Variants in SHCBP1L observed in about 807,000 individuals in gnomAD.
SHCBP1L encodes the protein SHC binding and spindle associated 1 like.
In SHCBP1L, 67 loss-of-function variants were observed where a neutral mutation model predicts 62.5. The observed-to-expected ratio is 1.07, with a 90% CI of 0.88 to 1.31. The LOEUF is 1.31. Among genes scored for constraint, SHCBP1L ranks in the 40% most tolerant of loss-of-function variants. SHCBP1L has a pLI of 0.00. For missense variants in SHCBP1L, 823 were observed against 809.8 expected (o/e 1.02, Z -0.20); for synonymous variants, 284 against 289.4 (o/e 0.98, Z 0.19).
At chr1:182,921,844 C>T (rs757447597) in intron 6 of SHCBP1L, among the ~76,000 whole-genome samples, 5 of 152,098 alleles carry the variant, frequency 3.3e-5, no homozygotes, top group Admixed American at 6.5e-5. Flanking sequence ...GCTGAGATCA[C>T]ACCACTGCAC....
chr1:182,901,742 C>T (rs1416397724), intron 9 of SHCBP1L, among the ~76,000 whole-genome samples: 2 of 152,130 alleles, frequency 1.3e-5, no homozygotes, highest in African/African-American at 4.8e-5. Context: ...AACAAACTAC[C>T]AGGTGATGCC....
rs1260436929 is a variant in SHCBP1L, at chr1:182,952,945, C to T, written c.189G>A (p.Arg63=). The T allele has an allele frequency of 3.2e-6, 5 of 1,550,564 alleles. No individual in the cohort carries two copies. Among genetic ancestry groups the T allele is most frequent in the African/African-American group, 1.4e-5 (1 of 73,222 alleles). Residue 63 remains arginine, a synonymous_variant, in exon 1 of 10, where the codon CGG becomes CGA. Coordinates refer to ENST00000367547, the MANE Select transcript of SHCBP1L (RefSeq NM_030933.4). ...GCTGGAGCCGCAGCCTGGCCGTCTC[C>T]CGGCCCGCTTTCCCCTTCACCGGGC... ...SPRPVKGKAG[R]ETARLRLQRL...
At chr1:182,905,761 AAAGAC>A (rs1464524781) in intron 6 of SHCBP1L, 112 bp from the exon 7 acceptor site, 3 of 936,124 alleles carry the variant, frequency 3.2e-6, no homozygotes, top group Non-Finnish European at 4.7e-6. Context: ...ATCATTTATT[AAAGAC>A]TAGCATTTAT....
At chr1:182,927,095 TATATATATATATATATATA>T (rs1335460681) in intron 6 of SHCBP1L, among the ~76,000 whole-genome samples, 5 of 30,742 alleles carry the variant, frequency 1.6e-4, no homozygotes, top group African/African-American at 6.8e-4. Flanking sequence ...TATATATATA[TATATATATATATATATATA>T]CTCTCTCTCT....
chr1:182,930,653 ATGTGTGTGTGTGTGTGTGTG>A lies in SHCBP1L; in HGVS notation c.1077-921_1077-902del, dbSNP rs1182783771. ...AAGACAGGGTCTTGCCCTGGAGTAT[ATGTGTGTGTGTGTGTGTGTG>A]TGTGTGTGTGTGTGTGTGTGTGTGT... On this transcript the variant is annotated intron_variant, in intron 5 of 9. Coordinates refer to ENST00000367547, the MANE Select transcript of SHCBP1L (RefSeq NM_030933.4). Among the ~76,000 whole-genome samples the A allele has an allele frequency of 2.7e-3, 67 of 24,664 alleles. 3 individuals are homozygous for A. Among genetic ancestry groups the A allele is most frequent in the African/African-American group, 8.4e-3 (60 of 7,130 alleles). 16.2% of individuals were successfully genotyped at this position (24,664 alleles called of 152,430 possible). A position where few individuals can be genotyped will look rare whatever the true frequency, so the allele number is the denominator to read the frequency against.
At chr1:182,920,234 T>A (rs952596465) in intron 6 of SHCBP1L, among the ~76,000 whole-genome samples, 1 of 152,042 alleles carries the variant, frequency 6.6e-6, no homozygotes, top group Non-Finnish European at 1.5e-5. Flanking sequence ...TGATTAACCT[T>A]GAGAGGCCAG....
intron 5 of SHCBP1L, among the ~76,000 whole-genome samples, chr1:182,938,031 G>A (rs571951332): frequency 1.3e-5 from 2 of 152,276 alleles, no homozygotes; most frequent in South Asian, 2.1e-4. Context: ...TGTTTAATGG[G>A]TACTATAGCT....
chr1:182,908,173 G>C (rs1650074372), intron 6 of SHCBP1L, among the ~76,000 whole-genome samples: 1 of 140,036 alleles, frequency 7.1e-6, no homozygotes, highest in Non-Finnish European at 1.6e-5. Flanking sequence ...TTTTAGATAT[G>C]GGGGTGCATG....
At position 182,940,505 on chromosome 1, in the gene SHCBP1L, G is replaced by A. The variant is rs777816214; in HGVS notation, c.594C>T (p.Phe198=). 7 of 1,613,768 alleles carry A rather than the reference G, an allele frequency of 4.3e-6. No homozygotes were observed. In the African/African-American group the frequency reaches 8.0e-5, roughly 18 times the overall value. Residue 198 remains phenylalanine, a synonymous_variant, in exon 3 of 10, where the codon TTC becomes TTT. Transcript: ENST00000367547. ...GCTCAGCAACAGAAACAGTAACTTTGAAACGAGATGATGAGTCTTGGTATG... is the reference window on the plus strand; with the variant it reads ...GCTCAGCAACAGAAACAGTAACTTTAAAACGAGATGATGAGTCTTGGTATG... ...CEPYQDSSSR[F]KVTVSVAEPF...
chr1:182,930,557 A>G (rs1241791052), intron 5 of SHCBP1L, among the ~76,000 whole-genome samples: 52 of 25,756 alleles, frequency 2.0e-3, no homozygotes, highest in East Asian at 0.011. Context: ...GTGTGTATAT[A>G]TATATATATA....
intron 2 of SHCBP1L, chr1:182,942,512 C>CT: frequency 1.7e-6 from 1 of 604,004 alleles, no homozygotes; most frequent in South Asian, 1.8e-5. Flanking sequence ...GCCCGAGCTA[C>CT]TGAGACCCAC....
intron 7 of SHCBP1L, among the ~76,000 whole-genome samples, chr1:182,905,081 G>C (rs757196880): frequency 1.8e-4 from 27 of 152,122 alleles, no homozygotes; most frequent in Non-Finnish European, 3.7e-4. Flanking sequence ...TAGACAATGA[G>C]AATACTCTTA....
At chr1:182,918,557 A>G (rs542062987) in intron 6 of SHCBP1L, among the ~76,000 whole-genome samples, 2 of 152,324 alleles carry the variant, frequency 1.3e-5, no homozygotes, top group East Asian at 3.9e-4. Context: ...GAAGATTTTA[A>G]TATTGCTAAA....
At position 182,927,050 on chromosome 1, in the gene SHCBP1L, CTATATATA is replaced by C. The variant is rs58308065; in HGVS notation, c.1182+2589_1182+2596del. Among the ~76,000 whole-genome samples the C allele has an allele frequency of 7.3e-4, 66 of 90,564 alleles. 1 individual carries two copies. The highest frequency in any genetic ancestry group is 1.1e-3 in the African/African-American group (28 of 24,850). The allele number at this position is 90,564 out of a possible 152,430, so 59.4% of individuals were successfully genotyped here. ...TTAGAGCCCATGCTCTTAACTAGCA[CTATATATA>C]TATATATATATATATATATATATAT... On this transcript the variant is annotated intron_variant, in intron 6 of 9. Transcript: ENST00000367547.
At chr1:182,942,353 G>A in intron 2 of SHCBP1L, 1 of 782,662 alleles carries the variant, frequency 1.3e-6, no homozygotes, top group Non-Finnish European at 2.4e-6. Context: ...TCTCCTGTTG[G>A]GCTCTTCCTT....
intron 6 of SHCBP1L, among the ~76,000 whole-genome samples, chr1:182,922,546 T>A: frequency 6.8e-6 from 1 of 147,194 alleles, no homozygotes; most frequent in African/African-American, 2.5e-5. Flanking sequence ...AGAGCGAGAC[T>A]CCATCTAAAA....
chr1:182,923,680 T>C (rs1487268706), intron 6 of SHCBP1L, among the ~76,000 whole-genome samples: 1 of 152,114 alleles, frequency 6.6e-6, no homozygotes, highest in Non-Finnish European at 1.5e-5. Context: ...TTTCTATAAA[T>C]TCAACATCTA....
intron 2 of SHCBP1L, among the ~76,000 whole-genome samples, chr1:182,946,035 G>C (rs1651555436): frequency 6.6e-6 from 1 of 150,918 alleles, no homozygotes; most frequent in Non-Finnish European, 1.5e-5. Flanking sequence ...ACTCCAGCCT[G>C]GGCAACAGAG....
intron 9 of SHCBP1L, among the ~76,000 whole-genome samples, chr1:182,902,482 C>T (rs576789612): frequency 6.6e-6 from 1 of 152,188 alleles, no homozygotes; most frequent in African/African-American, 2.4e-5. Context: ...ACAAAATGTA[C>T]ATTCATAAAA....
Sources: gnomAD v4.1 joint callset for allele counts (sites outside exome capture counted in the v4.1 genomes callset) on GRCh38, gnomAD v4.1.1 for gene constraint, MANE v1.5 for transcripts, NCBI Gene and HGNC (gene_info 2026-07-23, HGNC 2026-07-21) for gene names.